SETBP1: variants seen among roughly 807,000 people sequenced by gnomAD.
The protein encoded by SETBP1 is SET binding protein 1.
Under a neutral mutation model 101.0 loss-of-function variants are expected in SETBP1, and 9 were observed. The ratio of observed to expected loss-of-function variants is 0.09; its 90% CI spans 0.05 to 0.16. The LOEUF (loss-of-function observed/expected upper bound fraction) is 0.16. Among genes scored for constraint, SETBP1 ranks in the 10% least tolerant of loss-of-function variants. SETBP1 has a pLI of 1.00. For synonymous variants in SETBP1, 818 were observed against 788.5 expected, an observed-to-expected ratio of 1.04 and a Z score of -0.63; for missense variants, 1,858 against 2,033.8, an observed-to-expected ratio of 0.91 and a Z score of 1.66.
At chr18:45,051,051 A>C (rs777502622) in intron 5 of SETBP1, among the ~76,000 whole-genome samples, 2 of 152,202 alleles carry the variant, frequency 1.3e-5, no homozygotes, top group African/African-American at 2.4e-5. Context: ...AATGGGAAGC[A>C]GACTCTGGGA....
At chr18:45,048,778 C>G (rs576755881) in intron 5 of SETBP1, among the ~76,000 whole-genome samples, 91 of 151,452 alleles carry the variant, frequency 6.0e-4, no homozygotes, top group Admixed American at 2.8e-3. Context: ...CGAGACCATC[C>G]TGGCTAACAA....
At chr18:44,873,885 G>T (rs1328409380) in intron 3 of SETBP1, among the ~76,000 whole-genome samples, 2 of 152,116 alleles carry the variant, frequency 1.3e-5, no homozygotes, top group African/African-American at 4.8e-5. Context: ...ATGGTATACT[G>T]CTAAAAAAGC....
chr18:44,717,195 A>AC (rs2069486654), intron 2 of SETBP1, among the ~76,000 whole-genome samples: 1 of 152,210 alleles, frequency 6.6e-6, no homozygotes, highest in Admixed American at 6.5e-5. Flanking sequence ...AGGCAGCTGA[A>AC]CCCAAGGCTG....
chr18:45,062,969 A>T, intron 5 of SETBP1, 110 bp from the exon 6 acceptor site: 1 of 1,422,952 alleles, frequency 7.0e-7, no homozygotes, highest in Admixed American at 1.8e-5. Context: ...CCATAGCATT[A>T]ATTCTCTATA....
Position 44,950,095 on chromosome 18 carries a change from C to T in SETBP1, c.755C>T (p.Pro252Leu), listed in dbSNP as rs1321344139. The T allele has an allele frequency of 3.1e-6, 5 of 1,614,148 alleles. No individual in the cohort carries two copies. Among genetic ancestry groups the T allele is most frequent in the Non-Finnish European group, 4.2e-6 (5 of 1,180,044 alleles). ...GRETASTSKI[P>L]ALEPVASFAK... ...GAAACTGCAAGCACCAGCAAGATCCCCGCTCTTGAGCCCGTGGCTTCCTTT... is the reference window on the plus strand; with the variant it reads ...GAAACTGCAAGCACCAGCAAGATCCTCGCTCTTGAGCCCGTGGCTTCCTTT... The change falls in exon 4 of 6, where the codon CCC (proline) becomes CTC (leucine). Residue 252 changes from proline (P) to leucine (L), a missense_variant. Pro to Leu is a moderately conservative substitution (Grantham distance 98). Transcript: ENST00000649279.
At chr18:44,978,943 A>G (rs2072051651) in intron 4 of SETBP1, among the ~76,000 whole-genome samples, 1 of 152,234 alleles carries the variant, frequency 6.6e-6, no homozygotes, top group Non-Finnish European at 1.5e-5. Context: ...AGCCTCAAGA[A>G]TTGAATAAAT....
chr18:44,842,406 A>T (rs982078821), intron 2 of SETBP1, among the ~76,000 whole-genome samples: 3 of 152,204 alleles, frequency 2.0e-5, no homozygotes, highest in African/African-American at 7.2e-5. Flanking sequence ...GTAAATTGTC[A>T]AATTTTATTG....
intron 3 of SETBP1, among the ~76,000 whole-genome samples, chr18:44,932,410 A>T (rs956422403): frequency 3.9e-5 from 6 of 152,188 alleles, no homozygotes; most frequent in Admixed American, 3.3e-4. Flanking sequence ...TCTGACAATT[A>T]TGTGTCTTGG....
At position 44,950,361 on chromosome 18, in the gene SETBP1, G is replaced by C. The variant is rs2071312042; in HGVS notation, c.1021G>C (p.Asp341His). The C allele has an allele frequency of 1.2e-6, 2 of 1,614,008 alleles. No homozygotes were observed. Among genetic ancestry groups the C allele is most frequent in the African/African-American group, 2.7e-5 (2 of 74,948 alleles). Reference protein sequence around the residue: ...VGSKKKSSKKDVISQTIPNPD... With the variant: ...VGSKKKSSKKHVISQTIPNPD... Reference sequence around the variant, plus strand: ...CAGCAAGAAAAAGTCCAGTAAAAAAGATGTGATAAGTCAGACCATACCAAA... The same window carrying C: ...CAGCAAGAAAAAGTCCAGTAAAAAACATGTGATAAGTCAGACCATACCAAA... The change falls in exon 4 of 6, where the codon GAT (aspartate) becomes CAT (histidine). Residue 341 changes from aspartate (D) to histidine (H), a missense_variant. Physicochemically the swap from Asp to His is moderately conservative, Grantham distance 81. Around this residue, in one of 12 missense-constraint regions of SETBP1, gnomAD observed 581 missense variants for 535.1 expected, o/e 1.09. Transcript: ENST00000649279.
chr18:44,794,827 T>A (rs928047093), intron 2 of SETBP1, among the ~76,000 whole-genome samples: 2 of 152,178 alleles, frequency 1.3e-5, no homozygotes, highest in African/African-American at 4.8e-5. Context: ...TAGGGATGAC[T>A]ATTGGTGGCA....
chr18:45,008,979 A>T (rs530658330), intron 4 of SETBP1, among the ~76,000 whole-genome samples: 18 of 152,154 alleles, frequency 1.2e-4, no homozygotes, highest in Non-Finnish European at 1.5e-4. Flanking sequence ...CCTCACGTGG[A>T]GCTGGCTTTC....
intron 2 of SETBP1, among the ~76,000 whole-genome samples, chr18:44,758,405 C>T (rs193236985): frequency 2.6e-3 from 380 of 147,128 alleles, no homozygotes; most frequent in African/African-American, 8.7e-3. Flanking sequence ...TTTTTTGAGA[C>T]GGAGTCTCGC....
intron 2 of SETBP1, among the ~76,000 whole-genome samples, chr18:44,811,327 GC>G (rs1364819457): frequency 6.6e-6 from 1 of 152,234 alleles, no homozygotes; most frequent in Non-Finnish European, 1.5e-5. Context: ...ATACACACGT[GC>G]TCACACATAT....
intron 4 of SETBP1, among the ~76,000 whole-genome samples, chr18:45,036,433 G>A (rs937975046): frequency 2.0e-5 from 3 of 151,910 alleles, no homozygotes; most frequent in Non-Finnish European, 4.4e-5. Context: ...CTATTTGGAT[G>A]TGTCGCTTTA....
chr18:44,816,998 C>T (rs1037780685), intron 2 of SETBP1, among the ~76,000 whole-genome samples: 1 of 152,078 alleles, frequency 6.6e-6, no homozygotes, highest in Non-Finnish European at 1.5e-5. Flanking sequence ...AATATTGCCC[C>T]TTAGGTTAAA....
chr18:45,045,079 C>T (rs760348072), intron 5 of SETBP1, among the ~76,000 whole-genome samples: 7 of 151,572 alleles, frequency 4.6e-5, no homozygotes, highest in Non-Finnish European at 5.9e-5. Context: ...GTCAGGAGTC[C>T]GAGACCAGCC....
chr18:44,785,175 G>C (rs2144698981), intron 2 of SETBP1, among the ~76,000 whole-genome samples: 1 of 152,300 alleles, frequency 6.6e-6, no homozygotes, highest in East Asian at 1.9e-4. Flanking sequence ...ACAATCAGGA[G>C]AGAATATAAA....
chr18:44,951,874 T>G lies in SETBP1; in HGVS notation c.2534T>G (p.Ile845Ser). The G allele has an allele frequency of 6.2e-7, 1 of 1,614,000 alleles. No individual in the cohort carries two copies. The highest frequency in any genetic ancestry group is 8.5e-7 in the Non-Finnish European group (1 of 1,180,022). ...AACTCCCCTTCACACCTGTGCGAGA[T>G]TGGCTCCCTAAAGGAAATCACGCTG... Reference protein sequence around the residue: ...MANSPSHLCEIGSLKEITLSP... With the variant: ...MANSPSHLCESGSLKEITLSP... Residue 845 changes from isoleucine to serine, a missense_variant, in exon 4 of 6, where the codon ATT becomes AGT. Coordinates refer to ENST00000649279, the MANE Select transcript of SETBP1 (RefSeq NM_015559.3). The surrounding 1 kb of genome is among the most constrained non-coding windows in gnomAD (Gnocchi z 7.8).
intron 3 of SETBP1, among the ~76,000 whole-genome samples, chr18:44,923,922 T>C (rs1221885906): frequency 1.3e-5 from 2 of 152,202 alleles, no homozygotes; most frequent in East Asian, 3.9e-4. Context: ...TGAGCCAGCA[T>C]GGTGGTTGCT....
Sources: allele counts gnomAD v4.1 joint callset (sites outside exome capture counted in the v4.1 genomes callset), GRCh38; gene constraint gnomAD v4.1.1; regional missense constraint gnomAD v4.1.1; non-coding constraint Gnocchi (gnomAD v3.1); transcripts MANE v1.5; gene names NCBI Gene and HGNC (gene_info 2026-07-23, HGNC 2026-07-21).